Variants in CYP2A6 observed in about 807,000 individuals in gnomAD.
CYP2A6 encodes cytochrome P450 family 2 subfamily A member 6.
A neutral mutation model predicts 42.3 loss-of-function variants in CYP2A6; 27 were observed. The ratio of observed to expected loss-of-function variants is 0.64; its 90% confidence interval spans 0.47 to 0.88. The LOEUF is 0.88. Among genes scored for constraint, CYP2A6 ranks in the 40% least tolerant of loss-of-function variants. The pLI, the probability that CYP2A6 is intolerant of heterozygous loss-of-function variation, is 0.00. For synonymous variants in CYP2A6, 238 were observed against 246.3 expected (o/e 0.97, Z 0.31); for missense variants, 628 against 646.0 (o/e 0.97, Z 0.30).
In CYP2A6 at chr19:40,846,887, G is replaced by C. The variant is rs768857078; in HGVS notation, c.819C>G (p.Ile273Met). 1.2e-6 allele frequency: 2 copies of C among 1,612,054 alleles called. No individual in the cohort carries two copies. ...TGCTGGGGTGTACCTCCTGCATGCG[G>C]ATGAGAAAGGAGTCAATGAAGTCCC... ...SPRDFIDSFL[I>M]RMQEEEKNPN... Residue 273 changes from isoleucine (I) to methionine (M), a missense_variant, in exon 5 of 9, where the codon ATC becomes ATG. By Grantham distance (10) the Ile-to-Met change is conservative (BLOSUM62 1). This residue lies in a region of CYP2A6 where 606 missense variants were observed against 568.1 expected (regional missense o/e 1.07). Coordinates refer to ENST00000301141, the MANE Select transcript of CYP2A6 (RefSeq NM_000762.6).
intron 4 of CYP2A6, among the ~76,000 whole-genome samples, 189 bp downstream of exon 4, chr19:40,848,030 T>A (rs920651738): frequency 8.6e-5 from 13 of 151,586 alleles, no homozygotes; most frequent in South Asian, 2.1e-4. Flanking sequence ...TATCCAGGTG[T>A]CCTTGGAGAC....
chr19:40,848,298 T>C lies in CYP2A6; in HGVS notation c.575A>G (p.Asp192Gly). The stretch of plus-strand genomic sequence containing the variant: ...TGACAGGAACTCTTTGTCCTTATAG[T>C]CAAAGCGGTCCCCAAAGACAATGGA... ...ISSIVFGDRF[D>G]YKDKEFLSLL... The change falls in exon 4 of 9, where the codon GAC (aspartate) becomes GGC (glycine). Residue 192 changes from aspartate to glycine, a missense_variant. Around this residue, in one of 2 missense-constraint regions of CYP2A6, gnomAD observed 606 missense variants for 568.1 expected, o/e 1.07. Transcript: ENST00000301141. 1 of 1,611,722 alleles carries C rather than the reference T, an allele frequency of 6.2e-7. No homozygotes were observed. The highest frequency in any genetic ancestry group is 8.5e-7 in the Non-Finnish European group (1 of 1,179,924).
Position 40,845,276 on chromosome 19 carries a change from G to A in CYP2A6, c.1161+18C>T. ...GGCTGGAAGTCCCCGTAGTCTGGGG[G>A]GTGGGGGCGGATAGCACCTTAGGGA... is the stretch of plus-strand genomic sequence containing the variant. On this transcript the variant is annotated intron_variant, in intron 7 of 8. Coordinates refer to ENST00000301141, the MANE Select transcript of CYP2A6 (RefSeq NM_000762.6). 6.2e-7 allele frequency: 1 copy of A among 1,611,402 alleles called. No individual in the cohort carries two copies. Among genetic ancestry groups the A allele is most frequent in the Non-Finnish European group, 8.5e-7 (1 of 1,179,780 alleles).
At chr19:40,846,349 T>G (rs925500123) in intron 5 of CYP2A6, among the ~76,000 whole-genome samples, 11 of 144,026 alleles carry the variant, frequency 7.6e-5, no homozygotes, top group African/African-American at 1.1e-4. Context: ...TCAGTTTTTT[T>G]TTGTTTTTTT....
Position 40,846,092 on chromosome 19 carries a change from C to T in CYP2A6, c.837G>A (p.Glu279=), listed in dbSNP as rs746095792. ...DSFLIRMQEE[E]KNPNTEFYLK... ...AGTAGAACTCCGTGTTGGGGTTCTTCTCCTCCTGCAGGGAGAGGGGGCTTT... is the reference window on the plus strand; with the variant it reads ...AGTAGAACTCCGTGTTGGGGTTCTTTTCCTCCTGCAGGGAGAGGGGGCTTT... Residue 279 remains glutamate, a synonymous_variant, in exon 6 of 9, where the codon GAG becomes GAA. Transcript: ENST00000301141. 17 of 1,611,438 alleles carry T rather than the reference C, an allele frequency of 1.1e-5. No individual in the cohort carries two copies. Among genetic ancestry groups the T allele is most frequent in the East Asian group, 2.3e-5 (1 of 43,356 alleles).
chr19:40,850,043 CGAG>C, intron 1 of CYP2A6, 63 bp from the exon 2 acceptor site: 2 of 1,593,640 alleles, frequency 1.3e-6, no homozygotes, highest in Non-Finnish European at 1.7e-6. Flanking sequence ...GGCCCAGCAC[CGAG>C]ATGTCATGTG....
chr19:40,845,813 C>G, intron 6 of CYP2A6, 143 bp downstream of exon 6: 1 of 1,276,360 alleles, frequency 7.8e-7, no homozygotes, highest in Non-Finnish European at 1.1e-6. Flanking sequence ...CAGCTGATGC[C>G]TACCAGCTGA....
chr19:40,848,900 G>T, intron 2 of CYP2A6, 137 bp from the exon 3 acceptor site: 2 of 885,132 alleles, frequency 2.3e-6, no homozygotes, highest in Non-Finnish European at 3.3e-6. Context: ...CCATTGCCCA[G>T]CAGAGCTGCA....
intron 3 of CYP2A6, 26 bp from the exon 4 acceptor site, chr19:40,848,405 T>C (rs368742535): frequency 1.7e-5 from 28 of 1,605,922 alleles, no homozygotes; most frequent in African/African-American, 2.7e-5. Context: ...GAGAAGGGGG[T>C]TGGGGAGAGA....
chr19:40,849,088 G>GAGAGAGAC (rs1259003653), intron 2 of CYP2A6, among the ~76,000 whole-genome samples: 1 of 142,868 alleles, frequency 7.0e-6, no homozygotes, highest in African/African-American at 2.7e-5. Context: ...GAGAGAGAGA[G>GAGAGAGAC]ACCAGGTTTA....
rs769189731 is a variant in CYP2A6 at position 40,848,687 on chromosome 19, C to T, written c.420G>A (p.Val140=). The change falls in exon 3 of 9, where the codon GTG becomes GTA. Residue 140 remains valine, a synonymous_variant. Coordinates refer to ENST00000301141, the MANE Select transcript of CYP2A6 (RefSeq NM_000762.6). ...TGCGCTCCTCGATGCCTCGCTTGCC[C>T]ACCCCGAAGTCCCGCAGGGTGGCGA... ...FSIATLRDFG[V]GKRGIEERIQ... 6.8e-6 allele frequency: 11 copies of T among 1,611,888 alleles called. No individual in the cohort carries two copies. Among genetic ancestry groups the T allele is most frequent in the Admixed American group, 6.7e-5 (4 of 59,996 alleles).
intron 7 of CYP2A6, chr19:40,845,029 C>A: frequency 1.5e-6 from 1 of 648,664 alleles, no homozygotes; most frequent in South Asian, 2.1e-5. Context: ...TGACAAAAGG[C>A]CGAATGGAAA....
chr19:40,847,478 G>C (rs928032255), intron 4 of CYP2A6, among the ~76,000 whole-genome samples: 12 of 151,466 alleles, frequency 7.9e-5, no homozygotes, highest in Non-Finnish European at 1.6e-4. Flanking sequence ...TACTTACTGG[G>C]TCTGGATTGG....
chr19:40,849,445 T>A (rs1967181105), intron 2 of CYP2A6, among the ~76,000 whole-genome samples: 1 of 150,920 alleles, frequency 6.6e-6, no homozygotes, highest in South Asian at 2.1e-4. Flanking sequence ...GAGAAAGGGA[T>A]GCGGAGAGAT....
chr19:40,845,332 T>G lies in CYP2A6; in HGVS notation c.1123A>C (p.Lys375Gln). ...VIPMSLARRV[K>Q]KDTKFRDFFL... ...AAATCCCGAAACTTGGTGTCCTTTT[T>G]GACTCTGCGGGCCAAACTCATGGGG... Residue 375 changes from lysine to glutamine, a missense_variant, in exon 7 of 9, where the codon AAA becomes CAA. Physicochemically the swap from Lys to Gln is moderately conservative, Grantham distance 53. Transcript: ENST00000301141. 2 of 1,611,564 alleles carry G rather than the reference T, an allele frequency of 1.2e-6. 1 individual carries two copies.
At chr19:40,849,617 C>T (rs896057811) in intron 2 of CYP2A6, among the ~76,000 whole-genome samples, 21 of 151,232 alleles carry the variant, frequency 1.4e-4, no homozygotes, top group Non-Finnish European at 2.4e-4. Context: ...CAGAGAGAGG[C>T]AGGGAGGAAT....
rs747479415 is a variant in CYP2A6 at position 40,850,300 on chromosome 19, T to G, written c.127A>C (p.Ile43Leu). 16 of 1,610,048 alleles carry G rather than the reference T, an allele frequency of 9.9e-6. 1 individual carries two copies. The African/African-American group carries it at 2.0e-4, about 20-fold the overall frequency. The stretch of plus-strand genomic sequence containing the variant: ...GTGTTCAGCTGCAGGTAGTTTCCAA[T>G]GAAGGGCAATGGGGTGGGTCCCGGA... ...LPPGPTPLPF[I>L]GNYLQLNTEQ... Residue 43 changes from isoleucine (I) to leucine (L), a missense_variant, in exon 1 of 9, where the codon ATT (isoleucine) becomes CTT (leucine). Ile to Leu is a conservative substitution (Grantham distance 5). Coordinates refer to ENST00000301141, the MANE Select transcript of CYP2A6 (RefSeq NM_000762.6).
Position 40,848,613 on chromosome 19 carries a change from C to G in CYP2A6, c.493+1G>C. 6.2e-7 allele frequency: 1 copy of G among 1,611,072 alleles called. No homozygotes were observed. The highest frequency in any genetic ancestry group is 8.5e-7 in the Non-Finnish European group (1 of 1,179,364). On this transcript the variant is annotated splice_donor_variant, in intron 3 of 8. Coordinates refer to ENST00000301141, the MANE Select transcript of CYP2A6 (RefSeq NM_000762.6). LOFTEE classifies it high-confidence loss of function. ...CCCCGCACTCGGGGTCCCCTGCTCA[C>G]CGCCAGTGCCCCGGAGGGCGTCGAT...
chr19:40,848,968 GAGA>G (rs1967156262), intron 2 of CYP2A6, among the ~76,000 whole-genome samples: 1 of 115,190 alleles, frequency 8.7e-6, no homozygotes, highest in Non-Finnish European at 1.8e-5. Context: ...GAGAGAGAGA[GAGA>G]GAGAGAAGAG....
Sources: allele counts gnomAD v4.1 joint callset (sites outside exome capture counted in the v4.1 genomes callset), GRCh38; gene constraint gnomAD v4.1.1; regional missense constraint gnomAD v4.1.1; transcripts MANE v1.5; gene names NCBI Gene and HGNC (gene_info 2026-07-23, HGNC 2026-07-21).